CALCRL: variants seen among roughly 807,000 people sequenced by gnomAD.
CALCRL encodes the protein calcitonin gene-related peptide type 1 receptor.
In CALCRL, 27 loss-of-function variants were observed where a neutral mutation model predicts 60.4. The ratio of observed to expected loss-of-function variants is 0.45; its 90% CI spans 0.33 to 0.62. The LOEUF is 0.62. Ranked by LOEUF, CALCRL falls within the 20% of genes least tolerant of loss-of-function variation. The pLI, the probability that CALCRL is intolerant of heterozygous loss-of-function variation, is 0.03. For synonymous variants in CALCRL, 190 were observed against 182.6 expected, an observed-to-expected ratio of 1.04 and a Z score of -0.33; for missense variants, 424 against 540.7, an observed-to-expected ratio of 0.78 and a Z score of 2.14.
chr2:187,416,670 T>A (rs995597862), intron 1 of CALCRL, among the ~76,000 whole-genome samples: 4 of 152,118 alleles, frequency 2.6e-5, no homozygotes, highest in African/African-American at 9.7e-5. Context: ...TGGTATGAAA[T>A]TAATCAATTT....
rs201019302 is a variant in CALCRL at position 187,380,479 on chromosome 2, G to A, written c.396C>T (p.His132=). The change falls in exon 7 of 15, where the codon CAC becomes CAT. Residue 132 remains histidine (H), a synonymous_variant. Coordinates refer to ENST00000392370, the MANE Select transcript of CALCRL (RefSeq NM_005795.6). The stretch of plus-strand genomic sequence containing the variant: ...AATTATGACATACCTTCACTTTCTC[G>A]TGGGTGTTAACATTACACTGGGTAT... The part of the protein sequence containing the change: ...TNYTQCNVNT[H]EKVKTALNLF... 32 of 1,590,292 alleles carry A rather than the reference G, an allele frequency of 2.0e-5. No homozygotes were observed. Among genetic ancestry groups the A allele is most frequent in the African/African-American group, 6.7e-5 (5 of 74,442 alleles).
chr2:187,363,161 A>T (rs557618154), intron 9 of CALCRL, among the ~76,000 whole-genome samples: 125 of 152,280 alleles, frequency 8.2e-4, no homozygotes, highest in African/African-American at 2.9e-3. Flanking sequence ...ACTCTGAGGG[A>T]ATACTCTGTA....
intron 1 of CALCRL, among the ~76,000 whole-genome samples, chr2:187,392,380 T>C (rs1688482816): frequency 6.6e-6 from 1 of 152,172 alleles, no homozygotes; most frequent in Non-Finnish European, 1.5e-5. Flanking sequence ...GCCATAAGGT[T>C]CACCCACCTG....
At chr2:187,391,446 T>C (rs931402372) in intron 1 of CALCRL, among the ~76,000 whole-genome samples, 2 of 152,148 alleles carry the variant, frequency 1.3e-5, no homozygotes, top group African/African-American at 4.8e-5. Flanking sequence ...AGTTAAGTGA[T>C]TAAGCCAGCC....
chr2:187,366,996 A>T lies in CALCRL; in HGVS notation c.501-3494T>A, dbSNP rs73046690. 2.5e-3 allele frequency among the ~76,000 whole-genome samples: 384 copies of T among 151,972 alleles called. 3 individuals are homozygous for T. Among genetic ancestry groups the T allele is most frequent in the African/African-American group, 8.9e-3 (367 of 41,466 alleles). On this transcript the variant is annotated intron_variant, in intron 8 of 14. Transcript: ENST00000392370. ...TATTCTCTTATTATGGGATAAAAGG[A>T]TATACCATATTTCTCTTTTTAAGAC...
At chr2:187,432,930 T>C (rs1220944064) in intron 1 of CALCRL, among the ~76,000 whole-genome samples, 1 of 151,030 alleles carries the variant, frequency 6.6e-6, no homozygotes. Flanking sequence ...ATTCGCATTC[T>C]AGGAGCAATA....
intron 1 of CALCRL, among the ~76,000 whole-genome samples, chr2:187,421,067 C>T (rs1023602571): frequency 2.6e-5 from 4 of 152,220 alleles, no homozygotes; most frequent in East Asian, 1.9e-4. Flanking sequence ...GCAAGACCTC[C>T]CACGTGGAAG....
At chr2:187,358,187 T>TA (rs932622792) in intron 12 of CALCRL, among the ~76,000 whole-genome samples, 23 of 151,444 alleles carry the variant, frequency 1.5e-4, no homozygotes, top group East Asian at 1.9e-4. Flanking sequence ...CCTGTCTCTA[T>TA]AAAAAAAAAT....
chr2:187,371,714 C>G (rs1230747276), intron 8 of CALCRL, among the ~76,000 whole-genome samples: 1 of 143,888 alleles, frequency 6.9e-6, no homozygotes, highest in South Asian at 2.3e-4. Context: ...CCAGCCTGGG[C>G]GACAGAGCAA....
intron 1 of CALCRL, among the ~76,000 whole-genome samples, chr2:187,390,226 G>A (rs1399196225): frequency 6.6e-6 from 1 of 152,004 alleles, no homozygotes; most frequent in Non-Finnish European, 1.5e-5. Context: ...GCATTTGGAA[G>A]ACATAAAGGT....
chr2:187,402,571 T>C (rs1688937080), intron 1 of CALCRL, among the ~76,000 whole-genome samples: 1 of 151,678 alleles, frequency 6.6e-6, no homozygotes, highest in African/African-American at 2.4e-5. Context: ...GAAAAGCAGA[T>C]TAATGGTACT....
intron 8 of CALCRL, among the ~76,000 whole-genome samples, chr2:187,364,144 G>C (rs1347630738): frequency 6.6e-6 from 1 of 151,044 alleles, no homozygotes; most frequent in African/African-American, 2.4e-5. Context: ...AGTTCCTCTT[G>C]TATAAAACAA....
At chr2:187,394,019 G>T (rs1458084090) in intron 1 of CALCRL, among the ~76,000 whole-genome samples, 1 of 152,034 alleles carries the variant, frequency 6.6e-6, no homozygotes, top group Non-Finnish European at 1.5e-5. Flanking sequence ...ATTGACCTAG[G>T]TTATCTTGAG....
intron 1 of CALCRL, among the ~76,000 whole-genome samples, chr2:187,421,082 T>A (rs184958651): frequency 3.3e-3 from 501 of 152,302 alleles, no homozygotes; most frequent in African/African-American, 0.012. Context: ...TGGAAGTACC[T>A]ATATTCATCT....
Position 187,383,304 on chromosome 2 carries a change from A to T in CALCRL, c.53T>A (p.Ile18Asn). 1 of 1,585,356 alleles carries T rather than the reference A, an allele frequency of 6.3e-7. No homozygotes were observed. ...CTCTTCTAATTCTGCTGTAACAAGA[A>T]TCTAAGGGATTAAAAAAACAACAAC... Reference protein sequence around the residue: ...YFLVLLPFFMILVTAELEESP... With the variant: ...YFLVLLPFFMNLVTAELEESP... The change falls in exon 5 of 15, where the codon ATT (isoleucine) becomes AAT (asparagine). Residue 18 changes from isoleucine (I) to asparagine (N), a missense_variant and splice_region_variant. Physicochemically the swap from Ile to Asn is moderately radical, Grantham distance 149 (BLOSUM62 -3). Transcript: ENST00000392370.
At chr2:187,409,490 G>A (rs532833289) in intron 1 of CALCRL, among the ~76,000 whole-genome samples, 11 of 152,308 alleles carry the variant, frequency 7.2e-5, no homozygotes, top group African/African-American at 9.6e-5. Flanking sequence ...ACTGTCCAAA[G>A]CATAACCTGC....
chr2:187,385,554 A>G lies in CALCRL; in HGVS notation c.42T>C (p.Pro14=), dbSNP rs752247619. 2 of 1,491,730 alleles carry G rather than the reference A, an allele frequency of 1.3e-6. No individual in the cohort carries two copies. Among genetic ancestry groups the G allele is most frequent in the Non-Finnish European group, 1.9e-6 (2 of 1,077,564 alleles). The allele number at this position is 1,491,730 out of a possible 1,614,324, so 92.4% of individuals were successfully genotyped here. ...ATATTTTTATGCTTACCATAAAAAA[A>G]GGCAAGAGAACCAGAAAATACAGGG... ...KCTLYFLVLL[P]FFMILVTAEL... Residue 14 remains proline, a synonymous_variant, in exon 4 of 15, where the codon CCT becomes CCC. Coordinates refer to ENST00000392370, the MANE Select transcript of CALCRL (RefSeq NM_005795.6).
At chr2:187,403,271 T>C (rs1432639531) in intron 1 of CALCRL, among the ~76,000 whole-genome samples, 5 of 151,814 alleles carry the variant, frequency 3.3e-5, no homozygotes, top group Non-Finnish European at 5.9e-5. Flanking sequence ...TTCCTGAAAT[T>C]CAATCATGGG....
At chr2:187,416,478 C>CA (rs1281773155) in intron 1 of CALCRL, among the ~76,000 whole-genome samples, 1 of 151,794 alleles carries the variant, frequency 6.6e-6, no homozygotes, top group Admixed American at 6.6e-5. Context: ...ACTTATTAAA[C>CA]ACAGATAATA....
Sources: gnomAD v4.1 joint callset for allele counts (sites outside exome capture counted in the v4.1 genomes callset) on GRCh38, gnomAD v4.1.1 for gene constraint, MANE v1.5 for transcripts, NCBI Gene and HGNC (gene_info 2026-07-23, HGNC 2026-07-21) for gene names.